ANKAR: variants seen among roughly 807,000 people sequenced by gnomAD.
ANKAR encodes the protein ankyrin and armadillo repeat containing.
In ANKAR, 136 loss-of-function variants were observed where a neutral mutation model predicts 146.2. The ratio of observed to expected loss-of-function variants is 0.93; its 90% confidence interval spans 0.81 to 1.07. The LOEUF is 1.07. Among genes scored for constraint, ANKAR ranks in the 50% least tolerant of loss-of-function variants. The probability of loss-of-function intolerance (pLI) is 0.00; values close to 1 mark genes in which losing one functional copy is unlikely to be tolerated. For synonymous variants in ANKAR, 500 were observed against 575.8 expected (o/e 0.87, Z 1.88); for missense variants, 1,567 against 1,679.9 (o/e 0.93, Z 1.18).
chr2:189,729,681 C>T (rs1323270027), intron 15 of ANKAR, among the ~76,000 whole-genome samples: 1 of 26,236 alleles, frequency 3.8e-5, no homozygotes, highest in African/African-American at 8.3e-5. Flanking sequence ...TCAAATCTGT[C>T]CACATCAGCT....
At chr2:189,761,706 A>G, downstream of ANKAR, 1 of 1,441,020 alleles carries the variant, frequency 6.9e-7, no homozygotes, top group Non-Finnish European at 9.1e-7. Context: ...AACTGACATT[A>G]GCCAGCTTAT....
intron 3 of ANKAR, among the ~76,000 whole-genome samples, chr2:189,691,712 A>G (rs2036434081): frequency 2.8e-5 from 3 of 108,066 alleles, no homozygotes; most frequent in Admixed American, 2.7e-4. Context: ...TATATTTGAG[A>G]TATATATATA....
rs1029093831 is a variant in ANKAR at position 189,746,476 on chromosome 2, C to T, written c.4154C>T (p.Ala1385Val). 6.2e-7 allele frequency: 1 copy of T among 1,613,754 alleles called. No individual in the cohort carries two copies. Among genetic ancestry groups the T allele is most frequent in the Non-Finnish European group, 8.5e-7 (1 of 1,179,852 alleles). The stretch of plus-strand genomic sequence containing the variant: ...ACTAACTTCATGGGACTCTTCAAAG[C>T]AACAAAAAAGACCAAGGATTCCCAT... ...PVTNFMGLFKATKKTKDSHNI... is the reference protein window; with the variant it reads ...PVTNFMGLFKVTKKTKDSHNI... Residue 1385 changes from alanine to valine, a missense_variant, in exon 23 of 23, where the codon GCA becomes GTA. Ala to Val is a moderately conservative substitution (Grantham distance 64, BLOSUM62 0). Coordinates refer to ENST00000684021, the MANE Select transcript of ANKAR (RefSeq NM_001378068.1).
At chr2:189,719,010 A>T (rs1371144122) in intron 10 of ANKAR, among the ~76,000 whole-genome samples, 3 of 151,900 alleles carry the variant, frequency 2.0e-5, no homozygotes, top group Non-Finnish European at 4.4e-5. Context: ...CGGCCTCCCA[A>T]AGTGCTGGGA....
chr2:189,715,203 A>C (rs55675300), intron 10 of ANKAR, among the ~76,000 whole-genome samples: 35,862 of 151,952 alleles, frequency 0.24, 4,545 homozygotes, highest in African/African-American at 0.32. Context: ...AAGACTAATA[A>C]AGAAGAAAAG....
At position 189,713,503 on chromosome 2, in the gene ANKAR, C is replaced by A. The variant is rs187859281; in HGVS notation, c.2224+2350C>A. Reference sequence around the variant, plus strand: ...AATTTTCAACCCAGAATTTCATATCCAGCCAAACTAAGCTTCATAAGTGAA... The same window carrying A: ...AATTTTCAACCCAGAATTTCATATCAAGCCAAACTAAGCTTCATAAGTGAA... On this transcript the variant is annotated intron_variant, in intron 10 of 22. Transcript: ENST00000684021. 1.2e-3 allele frequency among the ~76,000 whole-genome samples: 184 copies of A among 152,246 alleles called. 2 individuals are homozygous for A. The highest frequency in any genetic ancestry group is 4.0e-3 in the African/African-American group (165 of 41,540).
In ANKAR at chr2:189,719,712, A is replaced by G; in HGVS notation, c.2365A>G (p.Ile789Val). 6 of 1,614,142 alleles carry G rather than the reference A, an allele frequency of 3.7e-6. No individual in the cohort carries two copies. The highest frequency in any genetic ancestry group is 5.1e-6 in the Non-Finnish European group (6 of 1,180,012). Residue 789 changes from isoleucine (I) to valine (V), a missense_variant, in exon 11 of 23, where the codon ATC (isoleucine) becomes GTC (valine). Physicochemically the swap from Ile to Val is conservative, Grantham distance 29. Coordinates refer to ENST00000684021, the MANE Select transcript of ANKAR (RefSeq NM_001378068.1). ...AGAAGCGGGAGGCATTCCATCTCTAATCAACCTACTGGTTTGTGATGAGCC... is the reference window on the plus strand; with the variant it reads ...AGAAGCGGGAGGCATTCCATCTCTAGTCAACCTACTGGTTTGTGATGAGCC... Reference protein sequence around the residue: ...LVEAGGIPSLINLLVCDEPEV... With the variant: ...LVEAGGIPSLVNLLVCDEPEV...
rs1242574937 is a variant in ANKAR at position 189,713,955 on chromosome 2, G to T, written c.2224+2802G>T. 2.0e-5 allele frequency among the ~76,000 whole-genome samples: 3 copies of T among 152,230 alleles called. No homozygotes were observed. The East Asian group carries it at 5.8e-4, about 29-fold the overall frequency. On this transcript the variant is annotated intron_variant, in intron 10 of 22. Coordinates refer to ENST00000684021, the MANE Select transcript of ANKAR (RefSeq NM_001378068.1). ...AATGGAAAGCAAAAAAATAGCAGGG[G>T]TTGCCATCCTAGTCTCTGATAAAAC...
chr2:189,754,147 CTTT>C (rs1484304605), intron 18 of ANKAR: 1 of 1,613,238 alleles, frequency 6.2e-7, no homozygotes. Flanking sequence ...ATACCTTCCT[CTTT>C]TTCCTTTTTC....
intron 15 of ANKAR, among the ~76,000 whole-genome samples, chr2:189,729,361 G>A (rs567758221): frequency 6.6e-6 from 1 of 152,258 alleles, no homozygotes; most frequent in South Asian, 2.1e-4. Context: ...ATTGTAGACT[G>A]CTTCTTGCAA....
chr2:189,754,375 T>C, intron 18 of ANKAR: 1 of 1,543,954 alleles, frequency 6.5e-7, no homozygotes, highest in Non-Finnish European at 8.8e-7. Flanking sequence ...TTTAGAGTCA[T>C]AAAATTAAAT....
intron 18 of ANKAR, among the ~76,000 whole-genome samples, chr2:189,751,889 T>C (rs377632178): frequency 1.9e-3 from 281 of 151,784 alleles, no homozygotes; most frequent in African/African-American, 6.4e-3. Context: ...CTCACACCTG[T>C]CATCCCAGCA....
intron 1 of ANKAR, chr2:189,676,148 C>A: frequency 4.6e-6 from 1 of 215,754 alleles, no homozygotes; most frequent in Non-Finnish European, 9.3e-6. Context: ...TCTCCAACAA[C>A]AAAATAGGTA....
intron 17 of ANKAR, among the ~76,000 whole-genome samples, chr2:189,736,273 A>C (rs2042824972): frequency 6.6e-6 from 1 of 152,210 alleles, no homozygotes; most frequent in Non-Finnish European, 1.5e-5. Flanking sequence ...CATGGAAAAG[A>C]AATGGAAATC....
At chr2:189,698,648 G>A (rs941119121) in intron 7 of ANKAR, among the ~76,000 whole-genome samples, 5 of 152,204 alleles carry the variant, frequency 3.3e-5, no homozygotes, top group African/African-American at 1.2e-4. Context: ...AATTGTCAAG[G>A]GGGAGGGGAT....
At position 189,696,174 on chromosome 2, in the gene ANKAR, G is replaced by T; in HGVS notation, c.1513G>T (p.Ala505Ser). The stretch of plus-strand genomic sequence containing the variant: ...GAGTATTCCATTTGGTATGAAGTCC[G>T]CTGTTGAAAGAGGGTTGTCTGCAGT... ...CKSIPFGMKS[A>S]VERGLSAVFH... The change falls in exon 7 of 23, where the codon GCT becomes TCT. Residue 505 changes from alanine (A) to serine (S), a missense_variant. Ala to Ser is a moderately conservative substitution (Grantham distance 99, BLOSUM62 1). Coordinates refer to ENST00000684021, the MANE Select transcript of ANKAR (RefSeq NM_001378068.1). 6.2e-7 allele frequency: 1 copy of T among 1,613,902 alleles called. No individual in the cohort carries two copies.
chr2:189,692,595 G>A, intron 4 of ANKAR, 177 bp downstream of exon 4: 6 of 544,048 alleles, frequency 1.1e-5, no homozygotes, highest in East Asian at 3.4e-5. Flanking sequence ...GCAGATATAT[G>A]TAAGGTACTG....
intron 18 of ANKAR, chr2:189,755,383 C>T: frequency 6.2e-7 from 1 of 1,613,358 alleles, no homozygotes; most frequent in East Asian, 2.2e-5. Context: ...GTCCTACCAG[C>T]TGTAAGCTAA....
Position 189,703,985 on chromosome 2 carries a change from C to T in ANKAR, c.1709-1038C>T, listed in dbSNP as rs546725020. ...CCCTCAACACTTGGGGATTACAATTCGAGATGAGATTTGGGTGGGGACACA... is the reference window on the plus strand; with the variant it reads ...CCCTCAACACTTGGGGATTACAATTTGAGATGAGATTTGGGTGGGGACACA... On this transcript the variant is annotated intron_variant, in intron 7 of 22. Coordinates refer to ENST00000684021, the MANE Select transcript of ANKAR (RefSeq NM_001378068.1). Among the ~76,000 whole-genome samples, 12 of 152,064 alleles carry T rather than the reference C, an allele frequency of 7.9e-5. No individual in the cohort carries two copies. In the South Asian group the frequency reaches 8.3e-4, roughly 11 times the overall value.
Sources: gnomAD v4.1 joint callset for allele counts (sites outside exome capture counted in the v4.1 genomes callset) on GRCh38, gnomAD v4.1.1 for gene constraint, MANE v1.5 for transcripts, NCBI Gene and HGNC (gene_info 2026-07-23, HGNC 2026-07-21) for gene names.